Variants in PRKN observed in about 807,000 individuals in gnomAD.
PRKN encodes the protein parkin RBR E3 ubiquitin protein ligase, also known as E3 ubiquitin-protein ligase parkin.
In PRKN, 56 loss-of-function variants were observed where a neutral mutation model predicts 59.5. The ratio of observed to expected loss-of-function variants is 0.94; its 90% CI spans 0.76 to 1.18. The LOEUF is 1.18. PRKN is among the 50% of genes most tolerant of loss of function. The pLI is 0.00. For missense variants in PRKN, 657 were observed against 596.4 expected (o/e 1.10, Z -1.06); for synonymous variants, 250 against 222.1 (o/e 1.13, Z -1.12).
At chr6:162,324,821 A>G (rs1289105548) in intron 2 of PRKN, among the ~76,000 whole-genome samples, 1 of 152,092 alleles carries the variant, frequency 6.6e-6, no homozygotes, top group East Asian at 1.9e-4. Context: ...CATGAAGGGG[A>G]AGAATAAAAA....
chr6:161,686,349 A>T (rs1785552940), intron 7 of PRKN, among the ~76,000 whole-genome samples: 1 of 152,170 alleles, frequency 6.6e-6, no homozygotes, highest in African/African-American at 2.4e-5. Flanking sequence ...GATACAGAAC[A>T]TCTGACTTTC....
chr6:161,779,435 C>CTTTTTTTTTTT (rs1583153971), intron 7 of PRKN, among the ~76,000 whole-genome samples: 1 of 40,432 alleles, frequency 2.5e-5, no homozygotes, highest in Non-Finnish European at 4.9e-5. Flanking sequence ...TTTTTCTTTT[C>CTTTTTTTTTTT]TTTTCTTTTT....
intron 7 of PRKN, among the ~76,000 whole-genome samples, chr6:161,692,048 G>C (rs2128175952): frequency 6.6e-6 from 1 of 152,150 alleles, no homozygotes; most frequent in African/African-American, 2.4e-5. Context: ...CTTATGTTTT[G>C]CCTCTCTCTC....
intron 2 of PRKN, among the ~76,000 whole-genome samples, chr6:162,304,436 C>A (rs980013780): frequency 6.6e-6 from 1 of 150,812 alleles, no homozygotes; most frequent in African/African-American, 2.4e-5. Flanking sequence ...AAACATACTT[C>A]TTGGAACCAA....
intron 9 of PRKN, among the ~76,000 whole-genome samples, chr6:161,500,012 A>G (rs1777899885): frequency 1.3e-5 from 2 of 152,114 alleles, no homozygotes; most frequent in Admixed American, 1.3e-4. Context: ...GTCTTTGCCA[A>G]AAGTCCTTCG....
At chr6:161,374,307 C>T (rs547584581) in intron 10 of PRKN, among the ~76,000 whole-genome samples, 22 of 147,848 alleles carry the variant, frequency 1.5e-4, no homozygotes, top group African/African-American at 4.8e-4. Context: ...ATATGTGGTG[C>T]GCGTGTGTTG....
At chr6:162,652,498 T>C (rs1018671138) in intron 1 of PRKN, among the ~76,000 whole-genome samples, 2 of 152,132 alleles carry the variant, frequency 1.3e-5, no homozygotes, top group African/African-American at 2.4e-5. Context: ...TTAAGACCAA[T>C]AGTATCCTTA....
At chr6:161,623,827 T>G (rs537580542) in intron 7 of PRKN, among the ~76,000 whole-genome samples, 3 of 152,302 alleles carry the variant, frequency 2.0e-5, no homozygotes, top group Admixed American at 1.3e-4. Context: ...AAAGCACCTT[T>G]TCTTGCACTG....
At position 161,457,489 on chromosome 6, in the gene PRKN, A is replaced by G. The variant is rs961080577; in HGVS notation, c.1084-70612T>C. On this transcript the variant is annotated intron_variant, in intron 9 of 11. Coordinates refer to ENST00000366898, the MANE Select transcript of PRKN (RefSeq NM_004562.3). The surrounding 1 kb of genome is among the most constrained non-coding windows in gnomAD (Gnocchi z 5.0). Reference sequence around the variant, plus strand: ...TGAAAGGATACATGGATGTCATATAAATAACTCAAAATTCATGTTTATATT... The same window carrying G: ...TGAAAGGATACATGGATGTCATATAGATAACTCAAAATTCATGTTTATATT... Among the ~76,000 whole-genome samples the G allele has an allele frequency of 3.3e-5, 5 of 152,232 alleles. No individual in the cohort carries two copies. The highest frequency in any genetic ancestry group is 7.4e-5 in the Non-Finnish European group (5 of 68,026).
chr6:162,078,254 C>CA (rs1329607224), intron 4 of PRKN, among the ~76,000 whole-genome samples: 2 of 152,000 alleles, frequency 1.3e-5, no homozygotes, highest in Non-Finnish European at 2.9e-5. Context: ...GACTTTAGTG[C>CA]ATGGATACAC....
intron 2 of PRKN, among the ~76,000 whole-genome samples, chr6:162,402,803 C>T (rs1787865819): frequency 6.6e-6 from 1 of 151,924 alleles, no homozygotes; most frequent in Non-Finnish European, 1.5e-5. Context: ...GCTAGAATGC[C>T]ATCATATCTG....
intron 4 of PRKN, among the ~76,000 whole-genome samples, chr6:162,063,109 G>T (rs575689300): frequency 6.6e-6 from 1 of 152,200 alleles, no homozygotes; most frequent in Admixed American, 6.5e-5. Flanking sequence ...CCACATAAAG[G>T]AATGTATAAA....
In PRKN at chr6:162,064,931, T is replaced by C. The variant is rs7744761; in HGVS notation, c.535-10757A>G. On this transcript the variant is annotated intron_variant, in intron 4 of 11. Coordinates refer to ENST00000366898, the MANE Select transcript of PRKN (RefSeq NM_004562.3). ...AAGGGCCCTCCCCACAGAAAACAAT[T>C]TGAAATCCTAAAAGTCTCTTACAAT... is the stretch of plus-strand genomic sequence containing the variant. Among the ~76,000 whole-genome samples, 6,993 of 152,266 alleles carry C rather than the reference T, an allele frequency of 0.046. 890 individuals carry two copies. In the East Asian group the frequency reaches 0.55, roughly 12 times the overall value.
intron 1 of PRKN, among the ~76,000 whole-genome samples, chr6:162,486,650 A>G (rs1792551742): frequency 6.6e-6 from 1 of 152,214 alleles, no homozygotes; most frequent in South Asian, 2.1e-4. Context: ...GTTTTACTTG[A>G]CATTCTACCA....
At chr6:161,746,557 T>A (rs182505656) in intron 7 of PRKN, among the ~76,000 whole-genome samples, 3,903 of 144,888 alleles carry the variant, frequency 0.027, 108 homozygotes, top group South Asian at 0.11. Flanking sequence ...ATCTATTTTT[T>A]TATATATATA....
intron 1 of PRKN, among the ~76,000 whole-genome samples, chr6:162,617,330 C>T (rs966897729): frequency 1.3e-5 from 2 of 152,170 alleles, no homozygotes; most frequent in African/African-American, 2.4e-5. Context: ...TTCCCAGGTT[C>T]AAGCTATTCT....
At chr6:161,438,987 C>T (rs1789060150) in intron 9 of PRKN, among the ~76,000 whole-genome samples, 2 of 151,886 alleles carry the variant, frequency 1.3e-5, no homozygotes, top group African/African-American at 4.9e-5. Flanking sequence ...TTAGCAGTTT[C>T]AGAGTAGGCT....
chr6:161,818,719 G>A (rs1447894896), intron 6 of PRKN, among the ~76,000 whole-genome samples: 1 of 152,196 alleles, frequency 6.6e-6, no homozygotes, highest in East Asian at 1.9e-4. Flanking sequence ...CAGTAAGACA[G>A]TAGCAATGAT....
chr6:162,443,789 C>T (rs1248087512), intron 1 of PRKN, among the ~76,000 whole-genome samples: 1 of 152,102 alleles, frequency 6.6e-6, no homozygotes, highest in African/African-American at 2.4e-5. Context: ...GAAAGAGTCC[C>T]ATGAGTTTAT....
Sources: allele counts gnomAD v4.1 joint callset (sites outside exome capture counted in the v4.1 genomes callset), GRCh38; gene constraint gnomAD v4.1.1; non-coding constraint Gnocchi (gnomAD v3.1); transcripts MANE v1.5; gene names NCBI Gene and HGNC (gene_info 2026-07-23, HGNC 2026-07-21).